Variants in ID3 observed in about 807,000 individuals in gnomAD.
The protein encoded by ID3 is DNA-binding protein inhibitor ID-3.
A neutral mutation model predicts 9.6 loss-of-function variants in ID3; 4 were observed. The observed-to-expected ratio is 0.42, with a 90% confidence interval of 0.21 to 0.96. The LOEUF is 0.96. Among genes scored for constraint, ID3 ranks in the 40% least tolerant of loss-of-function variants. The probability of loss-of-function intolerance (pLI) is 0.30; values close to 1 mark genes in which losing one functional copy is unlikely to be tolerated. For missense variants in ID3, 191 were observed against 164.5 expected (o/e 1.16, Z -0.88); for synonymous variants, 108 against 75.2 (o/e 1.44, Z -2.26).
intron 2 of ID3, 43 bp from the exon 3 acceptor site, chr1:23,558,458 G>C (rs1202783783): frequency 6.5e-6 from 1 of 154,776 alleles, no homozygotes; most frequent in East Asian, 1.9e-4. Context: ...GTCAGTTTCC[G>C]CCGAGCGTGC....
Position 23,559,389 on chromosome 1 carries a change from G to A in ID3, c.38C>T (p.Ala13Val), listed in dbSNP as rs777214087. The change falls in exon 1 of 3, where the codon GCG becomes GTG. Residue 13 changes from alanine (A) to valine (V), a missense_variant. By Grantham distance (64) the Ala-to-Val change is moderately conservative (BLOSUM62 0). Transcript: ENST00000374561. ...ALSPVRGCYE[A>V]VCCLSERSLA... is the part of the protein sequence containing the mutation. ...ACTGCGTTCCGACAGGCAGCACACC[G>A]CCTCGTAGCAGCCGCGCACCGGGCT... 18 of 1,612,576 alleles carry A rather than the reference G, an allele frequency of 1.1e-5. No individual in the cohort carries two copies. The highest frequency in any genetic ancestry group is 4.0e-5 in the African/African-American group (3 of 74,934).
intron 2 of ID3, 176 bp from the exon 3 acceptor site, chr1:23,558,591 C>A (rs923862170): frequency 4.9e-6 from 1 of 203,024 alleles, no homozygotes; most frequent in Non-Finnish European, 1.0e-5. Flanking sequence ...ACAGGCGGAG[C>A]TTGCGCTACC....
chr1:23,558,445 GCAGT>G (rs1390251230), intron 2 of ID3, 30 bp from the exon 3 acceptor site: 2 of 155,036 alleles, frequency 1.3e-5, no homozygotes, highest in African/African-American at 4.8e-5. Flanking sequence ...AGACCAAGGA[GCAGT>G]CAGTTTCCGC....
Position 23,559,443 on chromosome 1 carries a change from A to G in ID3, c.-17T>C. 1 of 1,603,446 alleles carries G rather than the reference A, an allele frequency of 6.2e-7. No homozygotes were observed. Among genetic ancestry groups the G allele is most frequent in the Non-Finnish European group, 8.5e-7 (1 of 1,173,906 alleles). ...CGCCTTCATGCTGGGGAGTGAGTCCAGAGGTGCCCCAAAGAGAAAGAAAAC... is the reference window on the plus strand; with the variant it reads ...CGCCTTCATGCTGGGGAGTGAGTCCGGAGGTGCCCCAAAGAGAAAGAAAAC... On this transcript the variant is annotated 5_prime_UTR_variant, in exon 1 of 3. Transcript: ENST00000374561.
At position 23,559,317 on chromosome 1, in the gene ID3, G is replaced by T; in HGVS notation, c.110C>A (p.Pro37Gln). 6.2e-7 allele frequency: 1 copy of T among 1,613,784 alleles called. No homozygotes were observed. Among genetic ancestry groups the T allele is most frequent in the South Asian group, 1.1e-5 (1 of 91,080 alleles). Residue 37 changes from proline (P) to glutamine (Q), a missense_variant, in exon 1 of 3, where the codon CCG (proline) becomes CAG (glutamine). Coordinates refer to ENST00000374561, the MANE Select transcript of ID3 (RefSeq NM_002167.5). ...GTTCATGTCGTCCAGCAAGCTCAGC[G>T]GCTCCTCAGCTGCCGGGCCCTTCCC... is the stretch of plus-strand genomic sequence containing the variant. ...GRGKGPAAEE[P>Q]LSLLDDMNHC...
intron 2 of ID3, chr1:23,558,726 C>T (rs948575670): frequency 6.4e-5 from 36 of 560,526 alleles, no homozygotes; most frequent in Non-Finnish European, 8.3e-5. Context: ...TCGGCCACTG[C>T]GGGAGGGCAG....
At position 23,558,995 on chromosome 1, in the gene ID3, C is replaced by T. The variant is rs1411987219; in HGVS notation, c.325G>A (p.Val109Ile). 1 of 1,614,170 alleles carries T rather than the reference C, an allele frequency of 6.2e-7. No individual in the cohort carries two copies. Among genetic ancestry groups the T allele is most frequent in the South Asian group, 1.1e-5 (1 of 91,084 alleles). Residue 109 changes from valine (V) to isoleucine (I), a missense_variant, in exon 2 of 3, where the codon GTC becomes ATC. Coordinates refer to ENST00000374561, the MANE Select transcript of ID3 (RefSeq NM_002167.5). Reference sequence around the variant, plus strand: ...AAGCTCCTTTTGTCGTTGGAGATGACAAGTTCCGGAGTGAGCTCGGCTGTC... The same window carrying T: ...AAGCTCCTTTTGTCGTTGGAGATGATAAGTTCCGGAGTGAGCTCGGCTGTC... ...IQTAELTPEL[V>I]ISNDKRSFCH
rs1200091114 is a variant in ID3, at chr1:23,559,450, C to T, written c.-24G>A. Reference sequence around the variant, plus strand: ...ATGCTGGGGAGTGAGTCCAGAGGTGCCCCAAAGAGAAAGAAAACCAAAAGA... The same window carrying T: ...ATGCTGGGGAGTGAGTCCAGAGGTGTCCCAAAGAGAAAGAAAACCAAAAGA... On this transcript the variant is annotated 5_prime_UTR_variant, in exon 1 of 3. Coordinates refer to ENST00000374561, the MANE Select transcript of ID3 (RefSeq NM_002167.5). 8.8e-6 allele frequency: 14 copies of T among 1,594,192 alleles called. No individual in the cohort carries two copies. Among genetic ancestry groups the T allele is most frequent in the Middle Eastern group, 1.7e-4 (1 of 5,952 alleles).
rs770447481 is a variant in ID3, at chr1:23,559,332, G to A, written c.95C>T (p.Pro32Leu). ...CAAGCTCAGCGGCTCCTCAGCTGCC[G>A]GGCCCTTCCCTCGGCCCCGGGCGAT... ...LAIARGRGKG[P>L]AAEEPLSLLD... Residue 32 changes from proline (P) to leucine (L), a missense_variant, in exon 1 of 3, where the codon CCG (proline) becomes CTG (leucine). Pro to Leu is a moderately conservative substitution (Grantham distance 98). Transcript: ENST00000374561. 8.1e-6 allele frequency: 13 copies of A among 1,613,566 alleles called. No homozygotes were observed. Among genetic ancestry groups the A allele is most frequent in the Middle Eastern group, 3.3e-4 (2 of 6,062 alleles).
intron 1 of ID3, 34 bp downstream of exon 1, chr1:23,559,093 G>A (rs773343327): frequency 5.6e-6 from 9 of 1,612,496 alleles, no homozygotes; most frequent in Non-Finnish European, 7.6e-6. Flanking sequence ...ATCCTTGCCT[G>A]GGTGTTCAGC....
rs759930189 is a variant in ID3 at position 23,559,212 on chromosome 1, C to T, written c.215G>A (p.Arg72His). 2.7e-5 allele frequency: 43 copies of T among 1,614,080 alleles called. No individual in the cohort carries two copies. Among genetic ancestry groups the T allele is most frequent in the South Asian group, 1.2e-4 (11 of 91,084 alleles). Residue 72 changes from arginine to histidine, a missense_variant, in exon 1 of 3, where the codon CGC (arginine) becomes CAC (histidine). By Grantham distance (29) the Arg-to-His change is conservative. Transcript: ENST00000374561. Reference protein sequence around the residue: ...TQLSQVEILQRVIDYILDLQV... With the variant: ...TQLSQVEILQHVIDYILDLQV... ...CAGGTCGAGAATGTAGTCGATGACG[C>T]GCTGTAGGATTTCCACCTGGCTAAG...
rs767410147 is a variant in ID3 at position 23,559,003 on chromosome 1, G to T, written c.317C>A (p.Pro106Gln). The T allele has an allele frequency of 6.2e-7, 1 of 1,614,158 alleles. No homozygotes were observed. The highest frequency in any genetic ancestry group is 8.5e-7 in the Non-Finnish European group (1 of 1,180,002). Residue 106 changes from proline to glutamine, a missense_variant, in exon 2 of 3, where the codon CCG (proline) becomes CAG (glutamine). Transcript: ENST00000374561. ...HLPIQTAELT[P>Q]ELVISNDKRS... Reference sequence around the variant, plus strand: ...TTTGTCGTTGGAGATGACAAGTTCCGGAGTGAGCTCGGCTGTCTGATTAGA... The same window carrying T: ...TTTGTCGTTGGAGATGACAAGTTCCTGAGTGAGCTCGGCTGTCTGATTAGA...
rs1643687907 is a variant in ID3 at position 23,559,232 on chromosome 1, G to A, written c.195C>T (p.Ser65=). 2 of 1,614,218 alleles carry A rather than the reference G, an allele frequency of 1.2e-6. No individual in the cohort carries two copies. The highest frequency in any genetic ancestry group is 1.7e-6 in the Non-Finnish European group (2 of 1,180,052). The change falls in exon 1 of 3, where the codon AGC becomes AGT. Residue 65 remains serine (S), a synonymous_variant. Transcript: ENST00000374561. ...TGACGCGCTGTAGGATTTCCACCTG[G>A]CTAAGCTGAGTGCCTCTCGGGACTC... The part of the protein sequence containing the change: ...VPGVPRGTQL[S]QVEILQRVID...
rs771059628 is a variant in ID3 at position 23,559,474 on chromosome 1, G to A, written c.-48C>T. On this transcript the variant is annotated 5_prime_UTR_variant, in exon 1 of 3. Coordinates refer to ENST00000374561, the MANE Select transcript of ID3 (RefSeq NM_002167.5). ...GCCCCAAAGAGAAAGAAAACCAAAA[G>A]AAGTCCCGCTACAGTGACCTGCAAC... The A allele has an allele frequency of 4.8e-5, 75 of 1,577,282 alleles. No individual in the cohort carries two copies. Among genetic ancestry groups the A allele is most frequent in the Middle Eastern group, 1.9e-4 (1 of 5,362 alleles).
At position 23,558,430 on chromosome 1, in the gene ID3, AAAG is replaced by A. The variant is rs1435788161; in HGVS notation, c.*26-18_*26-16del. 3 of 153,632 alleles carry A rather than the reference AAAG, an allele frequency of 2.0e-5. No individual in the cohort carries two copies. In the East Asian group the frequency reaches 5.8e-4, roughly 29 times the overall value. 9.5% of individuals were successfully genotyped at this position (153,632 alleles called of 1,614,324 possible). On this transcript the variant is annotated splice_polypyrimidine_tract_variant and intron_variant, in intron 2 of 2. Coordinates refer to ENST00000374561, the MANE Select transcript of ID3 (RefSeq NM_002167.5). ...GCACCTGCGTTCTGGGCGGGGGAGG[AAAG>A]AAGACCAAGGAGCAGTCAGTTTCCG...
rs1433952468 is a variant in ID3 at position 23,558,110 on chromosome 1, TGCC to T, written c.*328_*330del. The T allele has an allele frequency of 5.9e-5, 9 of 152,782 alleles. No individual in the cohort carries two copies. Among genetic ancestry groups the T allele is most frequent in the Non-Finnish European group, 1.2e-4 (8 of 68,164 alleles). The allele number at this position is 152,782 out of a possible 1,614,324, so 9.5% of individuals were successfully genotyped here. Reference sequence around the variant, plus strand: ...TCCAAGGAGACCAGAAGACCAGCTCTGCCGCCGCCTTGGCATAGTTTGGAGAGC... The same window carrying T: ...TCCAAGGAGACCAGAAGACCAGCTCTGCCGCCTTGGCATAGTTTGGAGAGC... On this transcript the variant is annotated 3_prime_UTR_variant, in exon 3 of 3. Coordinates refer to ENST00000374561, the MANE Select transcript of ID3 (RefSeq NM_002167.5).
intron 2 of ID3, 80 bp downstream of exon 2, chr1:23,558,855 T>C (rs899395998): frequency 7.8e-6 from 7 of 899,936 alleles, no homozygotes; most frequent in Non-Finnish European, 1.2e-5. Context: ...CTAAACCGAG[T>C]GAGTGGCAAT....
At position 23,558,336 on chromosome 1, in the gene ID3, T is replaced by TG. The variant is rs1329107509; in HGVS notation, c.*104dup. On this transcript the variant is annotated 3_prime_UTR_variant, in exon 3 of 3. Coordinates refer to ENST00000374561, the MANE Select transcript of ID3 (RefSeq NM_002167.5). The stretch of plus-strand genomic sequence containing the variant: ...TGAAGTCAAGTGGGCAGGGCGAAGT[T>TG]GGGGCCCATCCCTGCCGTCCGGCTT... 1 of 153,000 alleles carries TG rather than the reference T, an allele frequency of 6.5e-6. No homozygotes were observed. Among genetic ancestry groups the TG allele is most frequent in the Non-Finnish European group, 1.5e-5 (1 of 68,662 alleles). The allele number at this position is 153,000 out of a possible 1,614,324, so 9.5% of individuals were successfully genotyped here.
At chr1:23,559,065 C>T (rs184371695) in intron 1 of ID3, 46 bp from the exon 2 acceptor site, 8 of 1,612,280 alleles carry the variant, frequency 5.0e-6, no homozygotes, top group Middle Eastern at 1.6e-4. Flanking sequence ...CAATCGGGAG[C>T]TCCGAGGGTC....
Sources: allele counts gnomAD v4.1 joint callset, GRCh38; gene constraint gnomAD v4.1.1; transcripts MANE v1.5; gene names NCBI Gene and HGNC (gene_info 2026-07-23, HGNC 2026-07-21).